Variants in SNX13 observed in about 807,000 individuals in gnomAD.
SNX13 encodes the protein sorting nexin 13.
Under a neutral mutation model 133.6 loss-of-function variants are expected in SNX13, and 45 were observed. That is an observed-to-expected ratio of 0.34 (90% CI 0.27 to 0.43). The LOEUF is 0.43. Among genes scored for constraint, SNX13 ranks in the 20% least tolerant of loss-of-function variants. The probability of loss-of-function intolerance (pLI) is 1.00; values close to 1 mark genes in which losing one functional copy is unlikely to be tolerated. For missense variants in SNX13, 1,032 were observed against 1,145.1 expected (o/e 0.90, Z 1.43); for synonymous variants, 414 against 373.9 (o/e 1.11, Z -1.24).
chr7:17,840,006 A>C lies in SNX13; in HGVS notation c.1166-6T>G, dbSNP rs1259473512. Reference sequence around the variant, plus strand: ...TCCAGTTTGCTGCATGTAATCTAGCAATCAAAAATCCATAATAACATAAAT... The same window carrying C: ...TCCAGTTTGCTGCATGTAATCTAGCCATCAAAAATCCATAATAACATAAAT... On this transcript the variant is annotated splice_polypyrimidine_tract_variant and splice_region_variant and intron_variant, in intron 12 of 25. Coordinates refer to ENST00000428135, the MANE Select transcript of SNX13 (RefSeq NM_015132.5). 2 of 1,603,644 alleles carry C rather than the reference A, an allele frequency of 1.2e-6. No individual in the cohort carries two copies. Among genetic ancestry groups the C allele is most frequent in the Admixed American group, 3.4e-5 (2 of 58,376 alleles).
chr7:17,892,946 G>T (rs1325178332), intron 3 of SNX13, among the ~76,000 whole-genome samples: 1 of 152,058 alleles, frequency 6.6e-6, no homozygotes, highest in African/African-American at 2.4e-5. Context: ...ATTTTTCAAA[G>T]TAATGAAAAG....
intron 1 of SNX13, among the ~76,000 whole-genome samples, chr7:17,922,988 C>CA (rs1800299837): frequency 6.6e-6 from 1 of 152,066 alleles, no homozygotes; most frequent in Non-Finnish European, 1.5e-5. Flanking sequence ...GTATTATAAA[C>CA]AAAAAAATGC....
Position 17,911,769 on chromosome 7 carries a change from T to C in SNX13, c.13-14323A>G, listed in dbSNP as rs551797298. 9.8e-5 allele frequency among the ~76,000 whole-genome samples: 15 copies of C among 152,294 alleles called. No individual in the cohort carries two copies. In the South Asian group the frequency reaches 3.1e-3, roughly 32 times the overall value. On this transcript the variant is annotated intron_variant, in intron 1 of 25. Coordinates refer to ENST00000428135, the MANE Select transcript of SNX13 (RefSeq NM_015132.5). Reference sequence around the variant, plus strand: ...GTACAATATGTTATTAAGATTATTATCTTTTAGCGGTCAAACTATACCCAA... The same window carrying C: ...GTACAATATGTTATTAAGATTATTACCTTTTAGCGGTCAAACTATACCCAA...
intron 3 of SNX13, 22 bp from the exon 4 acceptor site, chr7:17,891,657 T>G (rs750337388): frequency 6.4e-7 from 1 of 1,554,308 alleles, no homozygotes; most frequent in Non-Finnish European, 8.9e-7. Context: ...TCAAAATATC[T>G]TACTGAGTAG....
At chr7:17,868,988 G>C (rs1265699152) in intron 8 of SNX13, among the ~76,000 whole-genome samples, 1 of 151,964 alleles carries the variant, frequency 6.6e-6, no homozygotes, top group East Asian at 1.9e-4. Context: ...CTCTGTGTTT[G>C]AATAGTTTCC....
intron 20 of SNX13, among the ~76,000 whole-genome samples, chr7:17,805,572 C>T (rs1267647702): frequency 6.6e-6 from 1 of 152,156 alleles, no homozygotes; most frequent in African/African-American, 2.4e-5. Flanking sequence ...TCAATTTAAT[C>T]TCCAACCTGA....
At chr7:17,841,531 G>C (rs1789875639) in intron 12 of SNX13, among the ~76,000 whole-genome samples, 1 of 142,414 alleles carries the variant, frequency 7.0e-6, no homozygotes, top group Admixed American at 7.2e-5. Flanking sequence ...TACATTATTA[G>C]ATTCAAACAG....
In SNX13 at chr7:17,853,465, G is replaced by A. The variant is rs550040186; in HGVS notation, c.838-2501C>T. ...GTAAAAAGATGCATTACATAGAGGGGATCAATTATACAGTGGAAGTTGACT... is the reference window on the plus strand; with the variant it reads ...GTAAAAAGATGCATTACATAGAGGGAATCAATTATACAGTGGAAGTTGACT... On this transcript the variant is annotated intron_variant, in intron 9 of 25. Coordinates refer to ENST00000428135, the MANE Select transcript of SNX13 (RefSeq NM_015132.5). Among the ~76,000 whole-genome samples, 26 of 152,244 alleles carry A rather than the reference G, an allele frequency of 1.7e-4. No homozygotes were observed. The East Asian group carries it at 4.6e-3, about 27-fold the overall frequency.
intron 1 of SNX13, among the ~76,000 whole-genome samples, chr7:17,905,543 T>C (rs371798845): frequency 1.3e-5 from 2 of 152,194 alleles, no homozygotes; most frequent in African/African-American, 2.4e-5. Flanking sequence ...ACAATAAAAA[T>C]TAATCTCCTT....
intron 9 of SNX13, 42 bp from the exon 10 acceptor site, chr7:17,851,006 C>CT: frequency 6.4e-7 from 1 of 1,556,622 alleles, no homozygotes; most frequent in Non-Finnish European, 8.7e-7. Context: ...GAGGAACTCA[C>CT]TTATGAAAAG....
Position 17,891,605 on chromosome 7 carries a change from T to C in SNX13, c.259A>G (p.Thr87Ala), listed in dbSNP as rs1327790564. Residue 87 changes from threonine to alanine, a missense_variant, in exon 4 of 26, where the codon ACT becomes GCT. By Grantham distance (58) the Thr-to-Ala change is moderately conservative. Coordinates refer to ENST00000428135, the MANE Select transcript of SNX13 (RefSeq NM_015132.5). ...CLEEMKREARTIKIDRRLTGA... is the reference protein window; with the variant it reads ...CLEEMKREARAIKIDRRLTGA... The stretch of plus-strand genomic sequence containing the variant: ...GTCAATCTTCTATCAATCTTAATAG[T>C]CCTGGCTTCCCGTTTCATTTCTTCT... 1.9e-6 allele frequency: 3 copies of C among 1,612,342 alleles called. No individual in the cohort carries two copies. Among genetic ancestry groups the C allele is most frequent in the Non-Finnish European group, 2.5e-6 (3 of 1,178,996 alleles).
intron 9 of SNX13, among the ~76,000 whole-genome samples, chr7:17,852,922 G>A (rs965236080): frequency 3.9e-5 from 6 of 152,198 alleles, no homozygotes; most frequent in East Asian, 1.9e-4. Context: ...ATGAATGTAC[G>A]TGGTAACAGG....
intron 9 of SNX13, among the ~76,000 whole-genome samples, chr7:17,867,923 TGACA>T (rs1192101741): frequency 2.6e-5 from 4 of 152,148 alleles, no homozygotes; most frequent in African/African-American, 9.7e-5. Context: ...TTGATATGTC[TGACA>T]GAAGAAAACT....
At chr7:17,848,307 T>C (rs1790793626) in intron 11 of SNX13, among the ~76,000 whole-genome samples, 1 of 152,148 alleles carries the variant, frequency 6.6e-6, no homozygotes, top group Non-Finnish European at 1.5e-5. Flanking sequence ...TCATCGGCCA[T>C]AAAGTCTCCA....
At chr7:17,886,901 C>T (rs894130871) in intron 5 of SNX13, among the ~76,000 whole-genome samples, 3 of 150,222 alleles carry the variant, frequency 2.0e-5, no homozygotes, top group Non-Finnish European at 2.9e-5. Context: ...CTCAATACCA[C>T]AGAAATGATT....
rs553788088 is a variant in SNX13, at chr7:17,797,626, G to A, written c.2514-687C>T. Among the ~76,000 whole-genome samples, 3 of 151,882 alleles carry A rather than the reference G, an allele frequency of 2.0e-5. No homozygotes were observed. In the South Asian group the frequency reaches 6.2e-4, roughly 32 times the overall value. On this transcript the variant is annotated intron_variant, in intron 24 of 25. Transcript: ENST00000428135. ...CCTGAGAGCTTTACAGGCTCTTCAT[G>A]TTCAGGCCTTTCATTGGATTAATTA...
Position 17,793,961 on chromosome 7 carries a change from A to G in SNX13, c.*84T>C. ...GACACTAAAAGACTGGTGCAGACAC[A>G]ACAGTATTTGAGTTAAGCCCCAGAA... On this transcript the variant is annotated 3_prime_UTR_variant, in exon 26 of 26. Transcript: ENST00000428135. 6.9e-7 allele frequency: 1 copy of G among 1,453,642 alleles called. No homozygotes were observed. The highest frequency in any genetic ancestry group is 1.4e-5 in the South Asian group (1 of 73,902). 90.0% of individuals were successfully genotyped at this position (1,453,642 alleles called of 1,614,324 possible). A position where few individuals can be genotyped will look rare whatever the true frequency, so the allele number is the denominator to read the frequency against.
chr7:17,800,129 C>T (rs774308170), intron 22 of SNX13, among the ~76,000 whole-genome samples: 2 of 151,660 alleles, frequency 1.3e-5, no homozygotes, highest in Non-Finnish European at 3.0e-5. Context: ...TATATTCCTA[C>T]GAGTTTGGTG....
intron 25 of SNX13, chr7:17,795,046 A>C (rs1241240892): frequency 6.6e-6 from 1 of 151,656 alleles, no homozygotes; most frequent in Non-Finnish European, 1.5e-5. Flanking sequence ...ATGAATGAGC[A>C]AATAAGCAGT....
Sources: allele counts gnomAD v4.1 joint callset (sites outside exome capture counted in the v4.1 genomes callset), GRCh38; gene constraint gnomAD v4.1.1; transcripts MANE v1.5; gene names NCBI Gene and HGNC (gene_info 2026-07-23, HGNC 2026-07-21).